RGSL1: variants seen among roughly 807,000 people sequenced by gnomAD.
The protein encoded by RGSL1 is regulator of G protein signaling like 1, also known as regulator of G protein signaling protein-like.
In RGSL1, 97 loss-of-function variants were observed where a neutral mutation model predicts 124.7. That is an observed-to-expected ratio of 0.78 (90% CI 0.66 to 0.92). The LOEUF is 0.92. Ranked by LOEUF, RGSL1 falls within the 40% of genes least tolerant of loss-of-function variation. The pLI, the probability that RGSL1 is intolerant of heterozygous loss-of-function variation, is 0.00. For missense variants in RGSL1, 1,233 were observed against 1,288.4 expected (o/e 0.96, Z 0.66); for synonymous variants, 424 against 438.1 (o/e 0.97, Z 0.40).
In RGSL1 at chr1:182,463,680, T is replaced by G. The variant is rs112096841; in HGVS notation, c.301+3547T>G. On this transcript the variant is annotated intron_variant, in intron 4 of 21. Transcript: ENST00000294854. ...TATCAAGATGTAACAACTATAAACA[T>G]CTACACACCTAATGACAGACCCTCA... 7.9e-3 allele frequency among the ~76,000 whole-genome samples: 1,200 copies of G among 152,276 alleles called. 12 individuals carry two copies. Among genetic ancestry groups the G allele is most frequent in the African/African-American group, 0.023 (943 of 41,544 alleles).
intron 8 of RGSL1, among the ~76,000 whole-genome samples, chr1:182,489,558 C>T (rs1029182817): frequency 2.6e-5 from 4 of 152,158 alleles, no homozygotes; most frequent in Non-Finnish European, 5.9e-5. Context: ...TAAGCATGTT[C>T]CACCTCACCA....
rs1366401088 is a variant in RGSL1 at position 182,548,724 on chromosome 1, G to A, written c.2833G>A (p.Asp945Asn). ...GGTGAATGTCCCTGAGTTCCAGAAG[G>A]ATGCCATCCTTGCTGCCATCACAGA... ...LRVNVPEFQKDAILAAITEGY... is the reference protein window; with the variant it reads ...LRVNVPEFQKNAILAAITEGY... The change falls in exon 17 of 22, where the codon GAT becomes AAT. Residue 945 changes from aspartate to asparagine, a missense_variant. Asp to Asn is a conservative substitution (Grantham distance 23). Transcript: ENST00000294854. The A allele has an allele frequency of 2.6e-6, 4 of 1,551,622 alleles. No homozygotes were observed. Among genetic ancestry groups the A allele is most frequent in the Middle Eastern group, 1.7e-4 (1 of 5,992 alleles).
chr1:182,500,839 A>G (rs748343702), intron 9 of RGSL1, among the ~76,000 whole-genome samples: 7 of 152,228 alleles, frequency 4.6e-5, no homozygotes, highest in Non-Finnish European at 7.3e-5. Context: ...TTGAATTTGT[A>G]TCCTAAAACT....
At chr1:182,541,475 C>T (rs1659887224) in intron 15 of RGSL1, among the ~76,000 whole-genome samples, 2 of 152,160 alleles carry the variant, frequency 1.3e-5, no homozygotes. Context: ...ACCATTCATC[C>T]ACTGATGGGC....
intron 15 of RGSL1, among the ~76,000 whole-genome samples, chr1:182,542,594 T>A (rs1174744743): frequency 6.6e-6 from 1 of 152,122 alleles, no homozygotes; most frequent in African/African-American, 2.4e-5. Flanking sequence ...TTTCTATTTC[T>A]GTGAAGAATG....
At chr1:182,530,124 A>G in intron 11 of RGSL1, 120 bp from the exon 12 acceptor site, 1 of 666,334 alleles carries the variant, frequency 1.5e-6, no homozygotes, top group East Asian at 2.7e-5. Context: ...ATCAGAGTCT[A>G]GCCAGATTGA....
intron 6 of RGSL1, among the ~76,000 whole-genome samples, chr1:182,475,869 T>A (rs267897): frequency 0.086 from 13,034 of 152,236 alleles, 759 homozygotes; most frequent in East Asian, 0.25. Context: ...CATTATAACG[T>A]ATTTACCTTG....
chr1:182,501,302 C>CTTTTTT (rs1656351321), intron 9 of RGSL1, among the ~76,000 whole-genome samples: 3 of 54,224 alleles, frequency 5.5e-5, no homozygotes, highest in Admixed American at 2.1e-4. Flanking sequence ...TTTCTTTTTT[C>CTTTTTT]TTTTCTTTTT....
At chr1:182,503,521 T>C (rs113548318) in intron 9 of RGSL1, among the ~76,000 whole-genome samples, 4,474 of 130,682 alleles carry the variant, frequency 0.034, 187 homozygotes, top group African/African-American at 0.11. Flanking sequence ...GATCTAAAAA[T>C]CAAAACAATT....
chr1:182,470,360 C>T lies in RGSL1; in HGVS notation c.302-2036C>T, dbSNP rs373099707. On this transcript the variant is annotated intron_variant, in intron 4 of 21. Transcript: ENST00000294854. ...ACTGGCCCCATTTCCTCTCTTATCTCATCTCTTCCTACTTCCCTCCCCTCA... is the reference window on the plus strand; with the variant it reads ...ACTGGCCCCATTTCCTCTCTTATCTTATCTCTTCCTACTTCCCTCCCCTCA... Among the ~76,000 whole-genome samples the T allele has an allele frequency of 5.3e-5, 8 of 152,152 alleles. 1 individual carries two copies. The highest frequency in any genetic ancestry group is 3.9e-4 in the Admixed American group (6 of 15,266).
intron 18 of RGSL1, among the ~76,000 whole-genome samples, chr1:182,552,493 A>C (rs577943974): frequency 2.6e-5 from 4 of 152,264 alleles, no homozygotes; most frequent in South Asian, 2.1e-4. Flanking sequence ...CTTTCAGGGG[A>C]AAGTTCTGAA....
At chr1:182,528,397 G>A (rs886246906) in intron 11 of RGSL1, among the ~76,000 whole-genome samples, 1 of 151,980 alleles carries the variant, frequency 6.6e-6, no homozygotes, top group African/African-American at 2.4e-5. Context: ...CCAACATTCC[G>A]CCAAAGTCTT....
rs1652078823 is a variant in RGSL1, at chr1:182,454,134, A to G, written c.96+94A>G. 5.3e-6 allele frequency: 4 copies of G among 755,658 alleles called. No individual in the cohort carries two copies. The African/African-American group carries it at 7.1e-5, about 13-fold the overall frequency. The allele number at this position is 755,658 out of a possible 1,614,324, so 46.8% of individuals were successfully genotyped here. ...TGACTTTTTTTGTTTGTTTGTTGTTATTTGGGGTTTTACTAAATGTCTTCT... is the reference window on the plus strand; with the variant it reads ...TGACTTTTTTTGTTTGTTTGTTGTTGTTTGGGGTTTTACTAAATGTCTTCT... On this transcript the variant is annotated intron_variant, in intron 2 of 21. Coordinates refer to ENST00000294854, the MANE Select transcript of RGSL1 (RefSeq NM_001137669.2).
intron 14 of RGSL1, among the ~76,000 whole-genome samples, chr1:182,533,671 A>G (rs1270590555): frequency 6.6e-6 from 1 of 152,222 alleles, no homozygotes; most frequent in Admixed American, 6.5e-5. Context: ...CATCTATAGA[A>G]TGGGAATGAG....
intron 14 of RGSL1, among the ~76,000 whole-genome samples, chr1:182,539,813 A>G (rs113660045): frequency 3.9e-5 from 6 of 152,276 alleles, no homozygotes; most frequent in African/African-American, 1.4e-4. Context: ...TTTCCTTAGT[A>G]AACTTCTTTA....
chr1:182,554,271 C>A (rs1229991487), intron 19 of RGSL1, among the ~76,000 whole-genome samples: 6 of 152,202 alleles, frequency 3.9e-5, no homozygotes, highest in Admixed American at 6.5e-5. Flanking sequence ...TGGGGGAGGC[C>A]ACTATGGAAC....
intron 2 of RGSL1, among the ~76,000 whole-genome samples, chr1:182,456,299 CTTT>C (rs113276872): frequency 3.5e-5 from 5 of 141,852 alleles, no homozygotes; most frequent in African/African-American, 5.2e-5. Context: ...CAGAAGTAAT[CTTT>C]TTTTTTTTTT....
chr1:182,471,156 C>A (rs1416850868), intron 4 of RGSL1: 1 of 403,132 alleles, frequency 2.5e-6, no homozygotes, highest in Non-Finnish European at 5.0e-6. Flanking sequence ...GGACCCTGCT[C>A]ATCTAACTGG....
At chr1:182,517,340 T>C (rs1162306542) in intron 9 of RGSL1, among the ~76,000 whole-genome samples, 3 of 151,774 alleles carry the variant, frequency 2.0e-5, no homozygotes, top group African/African-American at 7.3e-5. Flanking sequence ...ATTATTATAG[T>C]CCTTGGGGTA....
Sources: allele counts gnomAD v4.1 joint callset (sites outside exome capture counted in the v4.1 genomes callset), GRCh38; gene constraint gnomAD v4.1.1; transcripts MANE v1.5; gene names NCBI Gene and HGNC (gene_info 2026-07-23, HGNC 2026-07-21).